The following LEKR1 variants were observed in gnomAD, a reference collection of about 807,000 sequenced individuals.
LEKR1 encodes leucine, glutamate and lysine rich 1, also known as protein LEKR1.
A neutral mutation model predicts 72.4 loss-of-function variants in LEKR1; 59 were observed. The observed-to-expected ratio is 0.82, with a 90% CI of 0.66 to 1.01. The LOEUF (loss-of-function observed/expected upper bound fraction) is 1.01. Among genes scored for constraint, LEKR1 ranks in the 50% least tolerant of loss-of-function variants. LEKR1 has a pLI of 0.00. For missense variants in LEKR1, 728 were observed against 759.2 expected (o/e 0.96, Z 0.48); for synonymous variants, 257 against 263.2 (o/e 0.98, Z 0.23).
chr3:156,937,233 A>C, intron 5 of LEKR1, among the ~76,000 whole-genome samples: 1 of 152,322 alleles, frequency 6.6e-6, no homozygotes, highest in East Asian at 1.9e-4. Flanking sequence ...TAAAAAGGAT[A>C]AAAAGCTACA....
intron 6 of LEKR1, among the ~76,000 whole-genome samples, chr3:156,948,982 G>A (rs1461712818): frequency 1.3e-5 from 2 of 151,284 alleles, no homozygotes; most frequent in Admixed American, 6.6e-5. Flanking sequence ...GTCTGTTCAT[G>A]ATCTTTGCCC....
intron 3 of LEKR1, among the ~76,000 whole-genome samples, chr3:156,886,534 G>T (rs1212223447): frequency 6.6e-6 from 1 of 152,076 alleles, no homozygotes; most frequent in Non-Finnish European, 1.5e-5. Context: ...CTCCAATTCT[G>T]CTGGCTGCCT....
chr3:157,017,594 G>T (rs1346323352), intron 10 of LEKR1: 1 of 152,120 alleles, frequency 6.6e-6, no homozygotes, highest in Non-Finnish European at 1.5e-5. Context: ...CTCAAGAAAT[G>T]CACTTTAATA....
At chr3:157,006,875 G>T (rs1672091007) in intron 9 of LEKR1, among the ~76,000 whole-genome samples, 1 of 151,962 alleles carries the variant, frequency 6.6e-6, no homozygotes, top group Non-Finnish European at 1.5e-5. Flanking sequence ...CCAAAGTATT[G>T]ATTGCCTGGA....
chr3:156,914,617 G>A (rs190455166), intron 3 of LEKR1, among the ~76,000 whole-genome samples: 29 of 152,166 alleles, frequency 1.9e-4, no homozygotes, highest in Non-Finnish European at 1.3e-4. Context: ...GTGCTGCAAA[G>A]CCGCTGTCAA....
chr3:156,997,259 C>T (rs1259745221), intron 9 of LEKR1, among the ~76,000 whole-genome samples: 4 of 152,142 alleles, frequency 2.6e-5, no homozygotes, highest in Non-Finnish European at 4.4e-5. Flanking sequence ...TTAAAATTCA[C>T]AATTGAACTT....
chr3:156,892,192 G>A (rs944639519), intron 3 of LEKR1, among the ~76,000 whole-genome samples: 2 of 152,062 alleles, frequency 1.3e-5, no homozygotes, highest in Admixed American at 1.3e-4. Flanking sequence ...CTAAGCGGGG[G>A]AATCATATGG....
At chr3:157,023,495 TC>T (rs1733978967) in intron 10 of LEKR1, among the ~76,000 whole-genome samples, 2 of 152,178 alleles carry the variant, frequency 1.3e-5, no homozygotes, top group Admixed American at 1.3e-4. Context: ...CAGCAGTCAG[TC>T]ATTTAGTATG....
At chr3:156,936,622 T>C (rs985098604) in intron 5 of LEKR1, among the ~76,000 whole-genome samples, 2 of 152,064 alleles carry the variant, frequency 1.3e-5, no homozygotes, top group Non-Finnish European at 2.9e-5. Context: ...CTAAATAAAG[T>C]AACAAAAAGG....
chr3:156,883,977 A>G (rs527934132), intron 3 of LEKR1, among the ~76,000 whole-genome samples: 3 of 152,090 alleles, frequency 2.0e-5, no homozygotes, highest in Non-Finnish European at 4.4e-5. Flanking sequence ...GTACATATAT[A>G]TTTAGGATTG....
At chr3:156,892,317 T>C (rs1040962515) in intron 3 of LEKR1, among the ~76,000 whole-genome samples, 1 of 152,134 alleles carries the variant, frequency 6.6e-6, no homozygotes, top group Non-Finnish European at 1.5e-5. Context: ...GAGGACTCAA[T>C]GGGAGGACAG....
intron 7 of LEKR1, among the ~76,000 whole-genome samples, chr3:156,982,858 GA>G (rs1560125703): frequency 0.041 from 2,582 of 62,794 alleles, 19 homozygotes; most frequent in Non-Finnish European, 0.053. Context: ...TGTGTGTGTA[GA>G]TAGATAGATA....
chr3:157,042,806 C>A (rs765022666), intron 12 of LEKR1, among the ~76,000 whole-genome samples: 3 of 152,222 alleles, frequency 2.0e-5, no homozygotes, highest in South Asian at 4.1e-4. Flanking sequence ...ATTTCTTTTA[C>A]ATATTCAAAT....
Position 156,874,028 on chromosome 3 carries a change from G to C in LEKR1, c.263+21046G>C, listed in dbSNP as rs374661944. 1.8e-4 allele frequency among the ~76,000 whole-genome samples: 27 copies of C among 152,114 alleles called. No individual in the cohort carries two copies. In the South Asian group the frequency reaches 5.6e-3, roughly 32 times the overall value. The stretch of plus-strand genomic sequence containing the variant: ...GAGATCTTTGAGCCTCCTGTATCTG[G>C]AAGTCTAAATCTCTTGCTAGACTTG... On this transcript the variant is annotated intron_variant, in intron 3 of 12. Transcript: ENST00000356539.
chr3:156,921,648 A>G (rs899180581), intron 4 of LEKR1, among the ~76,000 whole-genome samples: 16 of 152,118 alleles, frequency 1.1e-4, no homozygotes, highest in Non-Finnish European at 1.9e-4. Flanking sequence ...AGGTGACCCC[A>G]ACTTTTGTAT....
chr3:156,929,601 G>T lies in LEKR1; in HGVS notation c.559+1997G>T, dbSNP rs183773026. Among the ~76,000 whole-genome samples the T allele has an allele frequency of 5.9e-5, 9 of 152,114 alleles. No homozygotes were observed. In the East Asian group the frequency reaches 1.5e-3, roughly 26 times the overall value. On this transcript the variant is annotated intron_variant, in intron 5 of 12. Transcript: ENST00000356539. ...AGCAAGTGAATTAATCTGATTCACG[G>T]GATTATGTTTAATCGCCGAAAACAC...
At chr3:156,911,309 GAGAAATA>G (rs1384414090) in intron 3 of LEKR1, among the ~76,000 whole-genome samples, 1 of 149,324 alleles carries the variant, frequency 6.7e-6, no homozygotes, top group Non-Finnish European at 1.5e-5. Context: ...AATTTTCTTT[GAGAAATA>G]TTTTTTATGT....
intron 7 of LEKR1, among the ~76,000 whole-genome samples, chr3:156,983,748 C>T (rs1227025777): frequency 6.6e-6 from 1 of 152,094 alleles, no homozygotes; most frequent in Non-Finnish European, 1.5e-5. Flanking sequence ...GACCAGGGTC[C>T]CCACAGCCCA....
intron 7 of LEKR1, among the ~76,000 whole-genome samples, chr3:156,984,837 AC>A (rs1203408120): frequency 2.0e-5 from 3 of 151,984 alleles, no homozygotes; most frequent in Non-Finnish European, 4.4e-5. Context: ...ACAATAGTAA[AC>A]TTTTGACCAT....
Sources: gnomAD v4.1 joint callset for allele counts (sites outside exome capture counted in the v4.1 genomes callset) on GRCh38, gnomAD v4.1.1 for gene constraint, MANE v1.5 for transcripts, NCBI Gene and HGNC (gene_info 2026-07-23, HGNC 2026-07-21) for gene names.